The following ANXA8 variants were observed in gnomAD, a reference collection of about 807,000 sequenced individuals.
The protein encoded by ANXA8 is VAC-beta.
ANXA8 carries 9 observed loss-of-function variants against 26.8 expected under a neutral mutation model. The ratio of observed to expected loss-of-function variants is 0.34; its 90% confidence interval spans 0.20 to 0.59. The LOEUF (loss-of-function observed/expected upper bound fraction) is 0.59, where lower values mean the gene tolerates loss of function less well. Ranked by LOEUF, ANXA8 falls within the 20% of genes least tolerant of loss-of-function variation. The probability of loss-of-function intolerance (pLI) is 0.84; values close to 1 mark genes in which losing one functional copy is unlikely to be tolerated. For missense variants in ANXA8, 83 were observed against 238.5 expected (o/e 0.35, Z 4.29); for synonymous variants, 39 against 94.8 (o/e 0.41, Z 3.42).
At chr10:47,767,701 C>T in the ANXA8 span, among the ~76,000 whole-genome samples, 62 of 151,664 alleles carry the variant, frequency 4.1e-4, 3 homozygotes, top group African/African-American at 1.3e-3. Flanking sequence ...GTCCCTGTGA[C>T]GCCACCCCCT....
chr10:47,502,295 G>A, the ANXA8 span: 23 of 1,601,436 alleles, frequency 1.4e-5, 1 homozygote, highest in East Asian at 9.3e-5. Flanking sequence ...ACCTCCTCAC[G>A]GGAGCCATGT....
chr10:47,733,279 CTTTCTTTCTTTCTTTCTT>C, the ANXA8 span, among the ~76,000 whole-genome samples: 1,466 of 88,258 alleles, frequency 0.017, 6 homozygotes, highest in Middle Eastern at 0.021. Flanking sequence ...TTCTTTCTTT[CTTTCTTTCTTTCTTTCTT>C]TTTTTTCTTT....
chr10:47,513,105 G>C, the ANXA8 span, among the ~76,000 whole-genome samples: 1 of 146,610 alleles, frequency 6.8e-6, no homozygotes, highest in Non-Finnish European at 1.5e-5. Context: ...GGTGATCTTG[G>C]CTCACTGCAA....
the ANXA8 span, among the ~76,000 whole-genome samples, chr10:47,623,310 G>T: frequency 2.0e-4 from 22 of 110,864 alleles, 2 homozygotes; most frequent in East Asian, 3.7e-3. Context: ...CAACGCAAGG[G>T]CTTGTAAAAA....
the ANXA8 span, among the ~76,000 whole-genome samples, chr10:47,673,472 T>C: frequency 6.7e-6 from 1 of 148,724 alleles, no homozygotes. Flanking sequence ...CTGCTCTAAT[T>C]CATTTCAGGC....
chr10:47,971,601 C>CT, the ANXA8 span, among the ~76,000 whole-genome samples: 1 of 100,152 alleles, frequency 1.0e-5, no homozygotes, highest in Non-Finnish European at 2.2e-5. Flanking sequence ...AAAGAAAGCT[C>CT]TTTGGGGACC....
At chr10:47,604,944 T>C in the ANXA8 span, among the ~76,000 whole-genome samples, 2 of 151,198 alleles carry the variant, frequency 1.3e-5, no homozygotes, top group Non-Finnish European at 1.5e-5. Context: ...AATCCAGTTT[T>C]TAGAAATGGG....
At chr10:47,702,447 TCTC>T in the ANXA8 span, among the ~76,000 whole-genome samples, 13 of 151,284 alleles carry the variant, frequency 8.6e-5, no homozygotes, top group Admixed American at 4.6e-4. Flanking sequence ...TTCTAGCAAT[TCTC>T]CTGCTTCAGC....
chr10:47,974,436 A>G, the ANXA8 span, among the ~76,000 whole-genome samples: 1 of 147,626 alleles, frequency 6.8e-6, no homozygotes, highest in South Asian at 2.2e-4. Context: ...TTCTTCTGCT[A>G]GCTTTGGGGT....
At chr10:47,592,891 T>A in the ANXA8 span, among the ~76,000 whole-genome samples, 1 of 144,770 alleles carries the variant, frequency 6.9e-6, no homozygotes, top group African/African-American at 2.8e-5. Flanking sequence ...GGGAGTGTCC[T>A]GGCACAGAAT....
chr10:47,665,127 T>A, the ANXA8 span, among the ~76,000 whole-genome samples: 1 of 149,186 alleles, frequency 6.7e-6, no homozygotes, highest in African/African-American at 2.6e-5. Flanking sequence ...TTGCAGTTGA[T>A]AACCTTCTGT....
chr10:47,669,099 C>T, the ANXA8 span, among the ~76,000 whole-genome samples: 4 of 151,904 alleles, frequency 2.6e-5, no homozygotes, highest in South Asian at 8.3e-4. Flanking sequence ...CTTTATGTTT[C>T]CCTGCTCTGA....
chr10:47,650,357 ACTT>A, the ANXA8 span, among the ~76,000 whole-genome samples: 3 of 147,722 alleles, frequency 2.0e-5, no homozygotes, highest in African/African-American at 7.5e-5. Context: ...AAAATTAAAA[ACTT>A]CTATGTTTCA....
At chr10:47,743,378 A>ATATGTGTGTGTG in the ANXA8 span, among the ~76,000 whole-genome samples, 1 of 59,772 alleles carries the variant, frequency 1.7e-5, no homozygotes, top group African/African-American at 5.6e-5. Flanking sequence ...ATACATATAT[A>ATATGTGTGTGTG]TGTGTGTGTG....
chr10:47,507,936 T>C, the ANXA8 span, among the ~76,000 whole-genome samples: 2 of 91,052 alleles, frequency 2.2e-5, no homozygotes, highest in African/African-American at 8.5e-5. Context: ...TCTCTCTTGC[T>C]CAGACTGGAC....
At chr10:47,932,748 C>CTCTG in the ANXA8 span, among the ~76,000 whole-genome samples, 2 of 105,154 alleles carry the variant, frequency 1.9e-5, no homozygotes, top group Non-Finnish European at 3.7e-5. Context: ...CTCTCTCTCT[C>CTCTG]TCTCTCTCTC....
chr10:47,945,307 A>T, the ANXA8 span, among the ~76,000 whole-genome samples: 1 of 150,052 alleles, frequency 6.7e-6, no homozygotes. Context: ...TCAGCTGCAG[A>T]CACTCAGCAA....
At chr10:47,710,725 AC>A in the ANXA8 span, 2 of 686,682 alleles carry the variant, frequency 2.9e-6, no homozygotes, top group Non-Finnish European at 5.0e-6. Flanking sequence ...AGGTAAATAC[AC>A]CAAAAAGCAT....
chr10:47,573,308 T>C, the ANXA8 span, among the ~76,000 whole-genome samples: 188 of 150,410 alleles, frequency 1.2e-3, 7 homozygotes, highest in East Asian at 0.035. Flanking sequence ...AAATATATTG[T>C]TTAATCAAGA....
Sources: gnomAD v4.1 joint callset for allele counts (sites outside exome capture counted in the v4.1 genomes callset) on GRCh38, gnomAD v4.1.1 for gene constraint, MANE v1.5 for transcripts, NCBI Gene and HGNC (gene_info 2026-07-23, HGNC 2026-07-21) for gene names.